HS6ST3: variants seen among roughly 807,000 people sequenced by gnomAD.
The protein encoded by HS6ST3 is heparan-sulfate 6-O-sulfotransferase 3.
Under a neutral mutation model 36.7 loss-of-function variants are expected in HS6ST3, and 12 were observed. The ratio of observed to expected loss-of-function variants is 0.33; its 90% CI spans 0.21 to 0.53. HS6ST3 has a LOEUF of 0.53. HS6ST3 is among the 20% of genes least tolerant of loss of function. The probability of loss-of-function intolerance (pLI) is 0.95; values close to 1 mark genes in which losing one functional copy is unlikely to be tolerated. For synonymous variants in HS6ST3, 240 were observed against 257.5 expected, an observed-to-expected ratio of 0.93 and a Z score of 0.65; for missense variants, 584 against 640.9, an observed-to-expected ratio of 0.91 and a Z score of 0.96.
chr13:96,222,604 C>G (rs1170440103), intron 1 of HS6ST3, among the ~76,000 whole-genome samples: 1 of 152,194 alleles, frequency 6.6e-6, no homozygotes, highest in African/African-American at 2.4e-5. Context: ...TGGATGATTT[C>G]TTCTTAGAGC....
chr13:96,304,712 T>TTTC (rs1491569207), intron 1 of HS6ST3, among the ~76,000 whole-genome samples: 16 of 68,410 alleles, frequency 2.3e-4, no homozygotes, highest in South Asian at 1.5e-3. Flanking sequence ...TCTTTCTTTC[T>TTTC]TTTTTTTTTT....
At chr13:96,722,505 T>C (rs530896177) in intron 1 of HS6ST3, among the ~76,000 whole-genome samples, 8 of 152,328 alleles carry the variant, frequency 5.3e-5, no homozygotes, top group Non-Finnish European at 8.8e-5. Context: ...GTGACTCTTA[T>C]ATTTTCTATT....
intron 1 of HS6ST3, among the ~76,000 whole-genome samples, chr13:96,652,567 C>T (rs982328850): frequency 6.6e-5 from 10 of 152,106 alleles, no homozygotes; most frequent in Non-Finnish European, 1.5e-4. Flanking sequence ...ACCATCATCA[C>T]CTTGTGCTGA....
intron 1 of HS6ST3, among the ~76,000 whole-genome samples, chr13:96,185,457 C>T (rs1259930259): frequency 6.6e-6 from 1 of 152,196 alleles, no homozygotes; most frequent in African/African-American, 2.4e-5. Context: ...AGGCCCCAGC[C>T]AAGGCCCATT....
At chr13:96,464,059 T>G (rs2055798987) in intron 1 of HS6ST3, among the ~76,000 whole-genome samples, 1 of 131,148 alleles carries the variant, frequency 7.6e-6, no homozygotes, top group Non-Finnish European at 1.5e-5. Context: ...AACACAGAAA[T>G]TGACCCTTCT....
intron 1 of HS6ST3, among the ~76,000 whole-genome samples, chr13:96,521,060 A>AG (rs2056091385): frequency 6.6e-6 from 1 of 152,156 alleles, no homozygotes; most frequent in Admixed American, 6.6e-5. Context: ...TTAGCATAGA[A>AG]GGCTGTTGAA....
chr13:96,553,259 C>G (rs1199437442), intron 1 of HS6ST3, among the ~76,000 whole-genome samples: 1 of 152,182 alleles, frequency 6.6e-6, no homozygotes. Flanking sequence ...CATATGCTTA[C>G]TGAGCACCTA....
intron 1 of HS6ST3, among the ~76,000 whole-genome samples, chr13:96,658,704 A>T (rs2056635931): frequency 1.3e-5 from 2 of 149,674 alleles, no homozygotes; most frequent in African/African-American, 2.5e-5. Context: ...TATTTATTTT[A>T]TTTTTTATTT....
intron 1 of HS6ST3, among the ~76,000 whole-genome samples, chr13:96,463,560 C>A (rs2055795976): frequency 6.6e-6 from 1 of 152,040 alleles, no homozygotes; most frequent in Non-Finnish European, 1.5e-5. Context: ...GAACAAGACA[C>A]AAATAATACA....
At chr13:96,611,328 T>C (rs932862710) in intron 1 of HS6ST3, among the ~76,000 whole-genome samples, 2 of 152,026 alleles carry the variant, frequency 1.3e-5, no homozygotes, top group African/African-American at 4.8e-5. Flanking sequence ...TAAATATGAT[T>C]ATAAAATTAA....
At chr13:96,634,602 A>G (rs879879388) in intron 1 of HS6ST3, among the ~76,000 whole-genome samples, 3 of 151,988 alleles carry the variant, frequency 2.0e-5, no homozygotes, top group Non-Finnish European at 2.9e-5. Flanking sequence ...AAGATTAGCT[A>G]TTACTCTACA....
Position 96,361,862 on chromosome 13 carries a change from A to G in HS6ST3, c.707+270293A>G, listed in dbSNP as rs1594762734. Among the ~76,000 whole-genome samples the G allele has an allele frequency of 5.3e-5, 8 of 152,328 alleles. No homozygotes were observed. In the South Asian group the frequency reaches 1.7e-3, roughly 32 times the overall value. On this transcript the variant is annotated intron_variant, in intron 1 of 1. Transcript: ENST00000376705. The stretch of plus-strand genomic sequence containing the variant: ...GTCCTGCTTCTCTTGTTTGAAAAAC[A>G]TTACAATCTTATTTTTTATGATTTT...
At chr13:96,496,185 A>C (rs1167239194) in intron 1 of HS6ST3, among the ~76,000 whole-genome samples, 2 of 152,110 alleles carry the variant, frequency 1.3e-5, no homozygotes, top group Non-Finnish European at 2.9e-5. Context: ...CCCACCCCTG[A>C]CTACAGTGGC....
chr13:96,221,708 A>G (rs996361265), intron 1 of HS6ST3, among the ~76,000 whole-genome samples: 2 of 152,168 alleles, frequency 1.3e-5, no homozygotes, highest in African/African-American at 4.8e-5. Flanking sequence ...AAAATCTCAT[A>G]TATCAGAAGG....
At chr13:96,518,726 G>T (rs1451369946) in intron 1 of HS6ST3, among the ~76,000 whole-genome samples, 1 of 152,076 alleles carries the variant, frequency 6.6e-6, no homozygotes, top group African/African-American at 2.4e-5. Flanking sequence ...ATTAAGACAG[G>T]AATAATTTAA....
chr13:96,656,998 T>TGTGTGTGTGTGTGA (rs1397374817), intron 1 of HS6ST3, among the ~76,000 whole-genome samples: 7 of 98,274 alleles, frequency 7.1e-5, no homozygotes, highest in Admixed American at 3.2e-4. Context: ...TGTGTGTGTG[T>TGTGTGTGTGTGTGA]GAGAGAGAGA....
chr13:96,625,866 A>G (rs1284146965), intron 1 of HS6ST3, among the ~76,000 whole-genome samples: 3 of 149,398 alleles, frequency 2.0e-5, no homozygotes, highest in African/African-American at 7.4e-5. Flanking sequence ...TTCGAGACGG[A>G]GTCTTGCTCT....
At chr13:96,736,872 A>C (rs868801015) in intron 1 of HS6ST3, among the ~76,000 whole-genome samples, 1 of 152,228 alleles carries the variant, frequency 6.6e-6, no homozygotes, top group Non-Finnish European at 1.5e-5. Flanking sequence ...ACAATAAGAA[A>C]ATCAAAACCC....
chr13:96,159,273 C>G (rs9525137), intron 1 of HS6ST3, among the ~76,000 whole-genome samples: 1 of 152,234 alleles, frequency 6.6e-6, no homozygotes, highest in South Asian at 2.1e-4. Flanking sequence ...ATTGCAGGTA[C>G]GCCCTCGTTT....
Sources: allele counts gnomAD v4.1 joint callset (sites outside exome capture counted in the v4.1 genomes callset), GRCh38; gene constraint gnomAD v4.1.1; transcripts MANE v1.5; gene names NCBI Gene and HGNC (gene_info 2026-07-23, HGNC 2026-07-21).